CT45A10: variants seen among roughly 807,000 people sequenced by gnomAD.
The protein encoded by CT45A10 is cancer/testis antigen family 45 member A10.
In CT45A10, 19 loss-of-function variants were observed where a neutral mutation model predicts 8.3. The observed-to-expected ratio is 2.30, with a 90% CI of 1.61 to 3.38. The LOEUF (loss-of-function observed/expected upper bound fraction) is 3.38. Ranked by LOEUF, CT45A10 falls within the 30% of genes most tolerant of loss-of-function variation. The probability of loss-of-function intolerance (pLI) is 0.00; values close to 1 mark genes in which losing one functional copy is unlikely to be tolerated. For missense variants in CT45A10, 149 were observed against 85.9 expected (o/e 1.73, Z -2.90); for synonymous variants, 28 against 26.5 (o/e 1.06, Z -0.17).
chrX:135,889,830 GAAAAA>G (rs10684169), intron 1 of CT45A10, among the ~76,000 whole-genome samples: 28 of 96,364 alleles, frequency 2.9e-4, no homozygotes, highest in Non-Finnish European at 4.5e-4. Context: ...CAAAAAGTTG[GAAAAA>G]AAAAAAAAAA....
intron 1 of CT45A10, among the ~76,000 whole-genome samples, 27 bp downstream of exon 1, chrX:135,893,318 C>A (rs1187730220): frequency 8.9e-6 from 1 of 112,329 alleles, no homozygotes; most frequent in African/African-American, 3.2e-5. Flanking sequence ...GGAAAAACTG[C>A]CCCACTCACA....
At position 135,883,380 on chromosome X, in the gene CT45A10, T is replaced by G. The variant is rs1234149437; in HGVS notation, c.170-124A>C. ...CTGAGAAGTTGAGCTGTGAGATACG[T>G]GTGTTTCATCACCCCTCTGGGTACA... On this transcript the variant is annotated intron_variant, in intron 2 of 4. Coordinates refer to ENST00000682849, the MANE Select transcript of CT45A10 (RefSeq NM_001291529.2). 1.8e-4 allele frequency: 211 copies of G among 1,140,990 alleles called. 4 individuals carry two copies. In the African/African-American group the frequency reaches 3.6e-3, roughly 19 times the overall value. The allele number at this position is 1,140,990 out of a possible 1,213,427, so 94.0% of individuals were successfully genotyped here.
rs1275439273 is a variant in CT45A10 at position 135,893,354 on chromosome X, G to C, written c.-16C>G. On this transcript the variant is annotated 5_prime_UTR_variant, in exon 1 of 5. Coordinates refer to ENST00000682849, the MANE Select transcript of CT45A10 (RefSeq NM_001291529.2). ...GTCCTGAAGTCCTGACCTTGCCGGA[G>C]GAGGGGCGGCAGCACCTCACAAAAT... Among the ~76,000 whole-genome samples the C allele has an allele frequency of 8.9e-6, 1 of 112,748 alleles. No homozygotes were observed. The highest frequency in any genetic ancestry group is 1.9e-5 in the Non-Finnish European group (1 of 53,301).
At chrX:135,883,829 G>T (rs1569520354) in intron 2 of CT45A10, among the ~76,000 whole-genome samples, 2 of 40,827 alleles carry the variant, frequency 4.9e-5, no homozygotes, top group South Asian at 2.6e-3. Context: ...CCACCAAAAA[G>T]TCCCTTTTAC....
Position 135,882,590 on chromosome X carries a change from C to G in CT45A10, c.458G>C (p.Gly153Ala). 4 of 1,159,560 alleles carry G rather than the reference C, an allele frequency of 3.4e-6. No individual in the cohort carries two copies. Among genetic ancestry groups the G allele is most frequent in the African/African-American group, 1.9e-5 (1 of 53,505 alleles). Residue 153 changes from glycine (G) to alanine (A), a missense_variant, in exon 4 of 5, where the codon GGA becomes GCA. By Grantham distance (60) the Gly-to-Ala change is moderately conservative. Coordinates refer to ENST00000682849, the MANE Select transcript of CT45A10 (RefSeq NM_001291529.2). Reference protein sequence around the residue: ...KIFEMLEGVQGPTAVRKRFFE... With the variant: ...KIFEMLEGVQAPTAVRKRFFE... ...AAATCGTTTCCTGACTGCAGTAGGT[C>G]CTTGCACTCCTTCAAGCATTTCGAA...
Position 135,882,593 on chromosome X carries a change from T to C in CT45A10, c.455A>G (p.Gln152Arg). 5 of 1,161,467 alleles carry C rather than the reference T, an allele frequency of 4.3e-6. No homozygotes were observed. The highest frequency in any genetic ancestry group is 3.4e-6 in the Non-Finnish European group (3 of 870,767). The change falls in exon 4 of 5, where the codon CAA (glutamine) becomes CGA (arginine). Residue 152 changes from glutamine (Q) to arginine (R), a missense_variant. Physicochemically the swap from Gln to Arg is conservative, Grantham distance 43 (BLOSUM62 1). Coordinates refer to ENST00000682849, the MANE Select transcript of CT45A10 (RefSeq NM_001291529.2). ...TCGTTTCCTGACTGCAGTAGGTCCTTGCACTCCTTCAAGCATTTCGAAGAT... is the reference window on the plus strand; with the variant it reads ...TCGTTTCCTGACTGCAGTAGGTCCTCGCACTCCTTCAAGCATTTCGAAGAT... ...EKIFEMLEGV[Q>R]GPTAVRKRFF...
At position 135,882,589 on chromosome X, in the gene CT45A10, TC is replaced by T. The variant is rs1487490882; in HGVS notation, c.458del (p.Gly153AspfsTer21). The T allele has an allele frequency of 8.7e-7, 1 of 1,152,859 alleles. No individual in the cohort carries two copies. Among genetic ancestry groups the T allele is most frequent in the Non-Finnish European group, 1.2e-6 (1 of 867,415 alleles). ...KIFEMLEGVQ[G>X]PTAVRKRFFE... ...AAAATCGTTTCCTGACTGCAGTAGG[TC>T]CTTGCACTCCTTCAAGCATTTCGAA... On this transcript the variant is annotated frameshift_variant, in exon 4 of 5. Transcript: ENST00000682849. LOFTEE classifies it high-confidence loss of function.
chrX:135,887,879 T>C (rs1234777177), intron 1 of CT45A10, among the ~76,000 whole-genome samples: 1 of 101,363 alleles, frequency 9.9e-6, no homozygotes, highest in African/African-American at 3.4e-5. Context: ...GTACTGAGAG[T>C]GTTCGAATGT....
intron 1 of CT45A10, among the ~76,000 whole-genome samples, chrX:135,892,596 A>T (rs1368741342): frequency 9.0e-6 from 1 of 110,729 alleles, no homozygotes; most frequent in Non-Finnish European, 1.9e-5. Flanking sequence ...CTGACACAAG[A>T]GTTCCCCGAG....
chrX:135,882,975 G>A, intron 3 of CT45A10, 33 bp downstream of exon 3: 3 of 1,189,361 alleles, frequency 2.5e-6, no homozygotes, highest in Non-Finnish European at 2.3e-6. Flanking sequence ...ACTTCCTACA[G>A]TTTTATAAAA....
intron 3 of CT45A10, 87 bp downstream of exon 3, chrX:135,882,921 C>A (rs1312665881): frequency 7.4e-6 from 8 of 1,084,811 alleles, no homozygotes; most frequent in South Asian, 4.3e-5. Flanking sequence ...AAAGAATGAG[C>A]CTCAAGAGGT....
chrX:135,882,735 C>G lies in CT45A10; in HGVS notation c.419-106G>C. ...TTCAGAGGCTGAAATGTTTTAAATG[C>G]TTAAATCAAGATACCTGCACATACA... On this transcript the variant is annotated intron_variant, in intron 3 of 4. Coordinates refer to ENST00000682849, the MANE Select transcript of CT45A10 (RefSeq NM_001291529.2). 7.0e-6 allele frequency: 3 copies of G among 430,452 alleles called. No individual in the cohort carries two copies. The South Asian group carries it at 1.1e-4, about 15-fold the overall frequency. 35.5% of individuals were successfully genotyped at this position (430,452 alleles called of 1,213,427 possible). A position where few individuals can be genotyped will look rare whatever the true frequency, so the allele number is the denominator to read the frequency against.
intron 1 of CT45A10, among the ~76,000 whole-genome samples, chrX:135,891,194 G>A (rs1256486826): frequency 2.7e-5 from 3 of 110,611 alleles, no homozygotes; most frequent in Non-Finnish European, 5.7e-5. Context: ...AATAGGCCAA[G>A]GTGTTTTTGA....
At chrX:135,892,016 C>A (rs2088505386) in intron 1 of CT45A10, among the ~76,000 whole-genome samples, 1 of 8,705 alleles carries the variant, frequency 1.1e-4, no homozygotes, top group African/African-American at 2.6e-4. Context: ...AAAAAGTGCT[C>A]CGAAAAAAAA....
At chrX:135,890,832 A>C in intron 1 of CT45A10, among the ~76,000 whole-genome samples, 2 of 112,459 alleles carry the variant, frequency 1.8e-5, no homozygotes, top group Admixed American at 1.9e-4. Flanking sequence ...GGTAAAGCTA[A>C]GACAATCTTT....
chrX:135,882,233 A>G (rs2088384974), intron 4 of CT45A10, among the ~76,000 whole-genome samples: 1 of 37,814 alleles, frequency 2.6e-5, no homozygotes, highest in African/African-American at 1.2e-4. Context: ...GCCCAGAAAT[A>G]TATGCATCTG....
Position 135,883,263 on chromosome X carries a change from A to T in CT45A10, c.170-7T>A. ...GCATGTCCTGTCATAAGCTCTGGTG[A>T]AACAAATTTTGAGTAAAAGCCATCA... On this transcript the variant is annotated splice_region_variant and splice_polypyrimidine_tract_variant and intron_variant, in intron 2 of 4. Transcript: ENST00000682849. The T allele has an allele frequency of 1.7e-6, 2 of 1,196,246 alleles. No individual in the cohort carries two copies. Among genetic ancestry groups the T allele is most frequent in the Non-Finnish European group, 2.3e-6 (2 of 885,333 alleles).
chrX:135,890,575 C>T (rs2088491329), intron 1 of CT45A10, among the ~76,000 whole-genome samples: 1 of 112,222 alleles, frequency 8.9e-6, no homozygotes, highest in African/African-American at 3.2e-5. Context: ...TTGTTTTTGA[C>T]TTGACTTGAA....
chrX:135,882,690 C>A, intron 3 of CT45A10, 61 bp from the exon 4 acceptor site: 1 of 864,145 alleles, frequency 1.2e-6, no homozygotes, highest in Non-Finnish European at 1.6e-6. Context: ...AGAAGTGAAT[C>A]TACACCTCAG....
Sources: allele counts gnomAD v4.1 joint callset (sites outside exome capture counted in the v4.1 genomes callset), GRCh38; gene constraint gnomAD v4.1.1; transcripts MANE v1.5; gene names NCBI Gene and HGNC (gene_info 2026-07-23, HGNC 2026-07-21).